Variants in AGBL4 observed in about 807,000 individuals in gnomAD.
AGBL4 encodes cytosolic carboxypeptidase 6.
A neutral mutation model predicts 66.4 loss-of-function variants in AGBL4; 58 were observed. The ratio of observed to expected loss-of-function variants is 0.87; its 90% CI spans 0.71 to 1.09. AGBL4 has a LOEUF of 1.09. AGBL4 is among the 50% of genes least tolerant of loss of function. AGBL4 has a pLI of 0.00. For synonymous variants in AGBL4, 234 were observed against 222.9 expected (o/e 1.05, Z -0.44); for missense variants, 579 against 631.0 (o/e 0.92, Z 0.88).
chr1:49,335,646 G>T (rs879346791), intron 3 of AGBL4, among the ~76,000 whole-genome samples: 26 of 151,960 alleles, frequency 1.7e-4, no homozygotes, highest in Non-Finnish European at 3.2e-4. Flanking sequence ...TTCCCGAGTA[G>T]CTGGGACTAC....
At chr1:49,051,192 T>TA (rs1344416910) in intron 4 of AGBL4, among the ~76,000 whole-genome samples, 4 of 151,970 alleles carry the variant, frequency 2.6e-5, no homozygotes, top group Non-Finnish European at 2.9e-5. Context: ...AGGGACATAA[T>TA]AAAAAATCAT....
At chr1:49,030,365 G>A (rs1664108605) in intron 5 of AGBL4, among the ~76,000 whole-genome samples, 1 of 152,108 alleles carries the variant, frequency 6.6e-6, no homozygotes, top group African/African-American at 2.4e-5. Context: ...AACAGACACT[G>A]GATCTGCCAG....
chr1:49,260,830 C>A (rs910923740), intron 3 of AGBL4, among the ~76,000 whole-genome samples: 13 of 152,042 alleles, frequency 8.6e-5, no homozygotes, highest in African/African-American at 2.9e-4. Flanking sequence ...CATCCTGATA[C>A]CAAAGCCGGG....
intron 7 of AGBL4, among the ~76,000 whole-genome samples, chr1:48,655,469 G>A (rs749265304): frequency 6.6e-6 from 1 of 152,202 alleles, no homozygotes. Flanking sequence ...GAAAGTCTCA[G>A]GACCTGAGTT....
At chr1:49,300,998 C>A (rs1263517569) in intron 3 of AGBL4, among the ~76,000 whole-genome samples, 2 of 152,094 alleles carry the variant, frequency 1.3e-5, no homozygotes, top group Non-Finnish European at 2.9e-5. Flanking sequence ...GGTTATAATC[C>A]ATTTCTCTCA....
At chr1:49,607,337 C>A (rs1275327754) in intron 3 of AGBL4, among the ~76,000 whole-genome samples, 1 of 152,108 alleles carries the variant, frequency 6.6e-6, no homozygotes, top group Non-Finnish European at 1.5e-5. Flanking sequence ...TGAATTCAAG[C>A]CTCAGTCTTC....
chr1:49,725,314 A>C (rs1235275133), intron 2 of AGBL4, among the ~76,000 whole-genome samples: 1 of 152,222 alleles, frequency 6.6e-6, no homozygotes, highest in East Asian at 1.9e-4. Flanking sequence ...GTTCATGTCA[A>C]AACTTTTCTG....
At chr1:49,241,553 C>A (rs1341174488) in intron 4 of AGBL4, among the ~76,000 whole-genome samples, 1 of 151,958 alleles carries the variant, frequency 6.6e-6, no homozygotes, top group Non-Finnish European at 1.5e-5. Context: ...TCATACTTTA[C>A]TAGAGCTACA....
rs180803601 is a variant in AGBL4, at chr1:49,461,333, A to T, written c.283-215469T>A. ...TTGTCTTTGATGGACTGGATTAATT[A>T]AAAAAGCTTGTCTTCAAGCTTTGAA... On this transcript the variant is annotated intron_variant, in intron 3 of 13. Coordinates refer to ENST00000371839, the MANE Select transcript of AGBL4 (RefSeq NM_032785.4). Among the ~76,000 whole-genome samples, 38 of 151,534 alleles carry T rather than the reference A, an allele frequency of 2.5e-4. 1 individual carries two copies. Among genetic ancestry groups the T allele is most frequent in the Admixed American group, 1.8e-3 (27 of 15,176 alleles).
At chr1:49,777,287 T>TTTA (rs1644222665) in intron 2 of AGBL4, among the ~76,000 whole-genome samples, 1 of 152,180 alleles carries the variant, frequency 6.6e-6, no homozygotes, top group Non-Finnish European at 1.5e-5. Flanking sequence ...TTTATAACAC[T>TTTA]GTTTAAATTC....
intron 3 of AGBL4, among the ~76,000 whole-genome samples, chr1:49,580,322 T>C (rs772381505): frequency 1.3e-4 from 20 of 152,188 alleles, no homozygotes; most frequent in Admixed American, 6.5e-4. Context: ...TTCAAGGTTA[T>C]TATTAGTATG....
chr1:49,834,626 G>A (rs1037968685), intron 2 of AGBL4, among the ~76,000 whole-genome samples: 1 of 152,006 alleles, frequency 6.6e-6, no homozygotes, highest in Non-Finnish European at 1.5e-5. Flanking sequence ...GCTTTTAAAT[G>A]TTTTCTTTTG....
chr1:49,302,095 T>C (rs944805359), intron 3 of AGBL4, among the ~76,000 whole-genome samples: 3 of 151,902 alleles, frequency 2.0e-5, no homozygotes, highest in Admixed American at 2.0e-4. Context: ...TCTCTTCTCC[T>C]CTCCCCCAAC....
chr1:49,285,582 G>T (rs1311792716), intron 3 of AGBL4, among the ~76,000 whole-genome samples: 1 of 152,130 alleles, frequency 6.6e-6, no homozygotes, highest in Non-Finnish European at 1.5e-5. Context: ...GAATCCAGGA[G>T]CTGGTTTTTT....
intron 1 of AGBL4, among the ~76,000 whole-genome samples, chr1:49,858,551 G>A (rs182470413): frequency 5.3e-5 from 8 of 151,986 alleles, no homozygotes; most frequent in East Asian, 1.9e-4. Context: ...AAGGGACCAC[G>A]CAAACAATAA....
chr1:49,284,530 T>A (rs1292498613), intron 3 of AGBL4, among the ~76,000 whole-genome samples: 2 of 151,954 alleles, frequency 1.3e-5, no homozygotes, highest in African/African-American at 4.8e-5. Context: ...CAATATTAAC[T>A]TTAAATGTAA....
chr1:48,730,887 T>G (rs936124367), intron 6 of AGBL4, among the ~76,000 whole-genome samples: 4 of 152,218 alleles, frequency 2.6e-5, no homozygotes, highest in African/African-American at 9.6e-5. Context: ...AAAGGTCATT[T>G]GACCTTAATA....
intron 10 of AGBL4, among the ~76,000 whole-genome samples, chr1:48,589,641 G>A (rs1644881802): frequency 6.6e-6 from 1 of 152,148 alleles, no homozygotes; most frequent in Non-Finnish European, 1.5e-5. Context: ...TGTGAGATTG[G>A]TAGTAACAGC....
At chr1:49,290,228 G>A (rs1452542772) in intron 3 of AGBL4, among the ~76,000 whole-genome samples, 1 of 152,160 alleles carries the variant, frequency 6.6e-6, no homozygotes. Flanking sequence ...TTATAAGTCT[G>A]CAGATTGACT....
Sources: allele counts gnomAD v4.1 joint callset (sites outside exome capture counted in the v4.1 genomes callset), GRCh38; gene constraint gnomAD v4.1.1; transcripts MANE v1.5; gene names NCBI Gene and HGNC (gene_info 2026-07-23, HGNC 2026-07-21).